Variants in RB1CC1 observed in about 807,000 individuals in gnomAD.
The protein encoded by RB1CC1 is RB1-inducible coiled-coil protein 1.
RB1CC1 carries 46 observed loss-of-function variants against 177.5 expected under a neutral mutation model. The observed-to-expected ratio is 0.26, with a 90% CI of 0.20 to 0.33. RB1CC1 has a LOEUF of 0.33. RB1CC1 is among the 10% of genes least tolerant of loss of function. The pLI is 1.00. For synonymous variants in RB1CC1, 666 were observed against 613.6 expected, an observed-to-expected ratio of 1.09 and a Z score of -1.26; for missense variants, 1,703 against 1,816.3, an observed-to-expected ratio of 0.94 and a Z score of 1.13.
intron 15 of RB1CC1, among the ~76,000 whole-genome samples, chr8:52,650,976 T>C (rs1850524171): frequency 6.6e-6 from 1 of 152,198 alleles, no homozygotes; most frequent in Admixed American, 6.6e-5. Flanking sequence ...CACCATTTAA[T>C]TACTTCCATA....
chr8:52,627,192 C>G (rs555018224), intron 22 of RB1CC1, among the ~76,000 whole-genome samples: 1 of 151,944 alleles, frequency 6.6e-6, no homozygotes, highest in South Asian at 2.1e-4. Context: ...ACTAAAAATA[C>G]AAAAATTAGC....
At chr8:52,646,218 T>C (rs949251234) in intron 15 of RB1CC1, among the ~76,000 whole-genome samples, 3 of 152,086 alleles carry the variant, frequency 2.0e-5, no homozygotes, top group African/African-American at 7.2e-5. Flanking sequence ...ATCCTAGCAC[T>C]TTGGGAGGCC....
intron 8 of RB1CC1, among the ~76,000 whole-genome samples, chr8:52,665,577 A>T (rs866267224): frequency 1.3e-5 from 2 of 152,202 alleles, no homozygotes; most frequent in Admixed American, 6.5e-5. Context: ...TGGTTAAATA[A>T]ATTTTGTTTG....
intron 16 of RB1CC1, 101 bp from the exon 17 acceptor site, chr8:52,642,913 C>A: frequency 8.1e-7 from 1 of 1,236,506 alleles, no homozygotes; most frequent in Non-Finnish European, 1.1e-6. Context: ...CACATTTGTA[C>A]ATGGAGATGA....
intron 5 of RB1CC1, among the ~76,000 whole-genome samples, chr8:52,679,313 A>G (rs1167907950): frequency 6.6e-6 from 1 of 152,178 alleles, no homozygotes; most frequent in Admixed American, 6.5e-5. Flanking sequence ...GCTGAATTTC[A>G]CCTTCACAAT....
intron 18 of RB1CC1, among the ~76,000 whole-genome samples, chr8:52,641,384 C>CAAAA (rs33912526): frequency 4.1e-5 from 4 of 97,466 alleles, no homozygotes; most frequent in South Asian, 3.5e-4. Context: ...GACTTCATCT[C>CAAAA]AAAAAAAAAA....
In RB1CC1 at chr8:52,657,127, C is replaced by A. The variant is rs1486401367; in HGVS notation, c.2702G>T (p.Cys901Phe). ...KIKKLKGELV[C>F]LEEVLQNKDN... is the part of the protein sequence containing the mutation. Reference sequence around the variant, plus strand: ...TTTATTTTGTAAAACCTCCTCAAGGCATACTAACTCTCCCTTCAATTTTTT... The same window carrying A: ...TTTATTTTGTAAAACCTCCTCAAGGAATACTAACTCTCCCTTCAATTTTTT... The change falls in exon 15 of 24, where the codon TGC becomes TTC. Residue 901 changes from cysteine to phenylalanine, a missense_variant. By Grantham distance (205) the Cys-to-Phe change is radical. Coordinates refer to ENST00000025008, the MANE Select transcript of RB1CC1 (RefSeq NM_014781.5). The A allele has an allele frequency of 6.2e-7, 1 of 1,611,210 alleles. No individual in the cohort carries two copies. Among genetic ancestry groups the A allele is most frequent in the Non-Finnish European group, 8.5e-7 (1 of 1,178,356 alleles).
rs747284945 is a variant in RB1CC1 at position 52,656,019 on chromosome 8, T to C, written c.3810A>G (p.Gln1270=). Residue 1270 remains glutamine, a synonymous_variant, in exon 15 of 24, where the codon CAA becomes CAG. Coordinates refer to ENST00000025008, the MANE Select transcript of RB1CC1 (RefSeq NM_014781.5). ...LLEKVKHLEN[Q]IAKSPAIDST... is the part of the protein sequence containing the mutation. ...AACTTAATTCTTACCTTTTTGCTAT[T>C]TGATTCTCAAGATGTTTAACTTTTT... The C allele has an allele frequency of 1.9e-6, 3 of 1,602,280 alleles. No homozygotes were observed. The highest frequency in any genetic ancestry group is 2.2e-5 in the East Asian group (1 of 44,682).
intron 15 of RB1CC1, among the ~76,000 whole-genome samples, chr8:52,652,783 C>T (rs1009283938): frequency 5.3e-5 from 8 of 152,082 alleles, no homozygotes; most frequent in East Asian, 1.9e-4. Context: ...GCTGGCCAGG[C>T]GTGGTGGCTC....
intron 22 of RB1CC1, among the ~76,000 whole-genome samples, chr8:52,627,219 C>T (rs191547315): frequency 3.3e-5 from 5 of 151,746 alleles, no homozygotes; most frequent in Admixed American, 6.6e-5. Context: ...TGGTGGCACA[C>T]GCCTGTAATT....
chr8:52,649,658 C>G (rs1489369369), intron 15 of RB1CC1, among the ~76,000 whole-genome samples: 1 of 152,144 alleles, frequency 6.6e-6, no homozygotes, highest in African/African-American at 2.4e-5. Context: ...AAATAAAAAT[C>G]TCTTTTGAAA....
chr8:52,628,442 A>G (rs980515075), intron 21 of RB1CC1, among the ~76,000 whole-genome samples: 3 of 152,194 alleles, frequency 2.0e-5, no homozygotes, highest in Non-Finnish European at 4.4e-5. Context: ...ACTGGATGAA[A>G]AGCAGAAAAA....
Position 52,656,115 on chromosome 8 carries a change from T to C in RB1CC1, c.3714A>G (p.Lys1238=). The C allele has an allele frequency of 1.2e-6, 2 of 1,613,652 alleles. No individual in the cohort carries two copies. Among genetic ancestry groups the C allele is most frequent in the Non-Finnish European group, 1.7e-6 (2 of 1,179,774 alleles). The change falls in exon 15 of 24, where the codon AAA becomes AAG. Residue 1238 remains lysine, a synonymous_variant. Coordinates refer to ENST00000025008, the MANE Select transcript of RB1CC1 (RefSeq NM_014781.5). ...TTAGGGCAGTCTGAATAGCTTCATC[T>C]TTTTCACAATTAAGCTTCTGAATTA... ...EQLIQKLNCE[K]DEAIQTALKE... is the part of the protein sequence containing the mutation.
At chr8:52,690,936 C>T (rs1322263576) in intron 1 of RB1CC1, among the ~76,000 whole-genome samples, 1 of 152,172 alleles carries the variant, frequency 6.6e-6, no homozygotes, top group Non-Finnish European at 1.5e-5. Context: ...ATAAATACTT[C>T]AGAATGTCTT....
chr8:52,630,676 A>C (rs557897812), intron 20 of RB1CC1, 148 bp from the exon 21 acceptor site: 87 of 722,518 alleles, frequency 1.2e-4, no homozygotes, highest in Non-Finnish European at 1.6e-4. Flanking sequence ...GTTCATTAAT[A>C]ATTCCTTTAT....
rs368446569 is a variant in RB1CC1 at position 52,628,028 on chromosome 8, T to G, written c.4636+4A>C. The G allele has an allele frequency of 1.3e-5, 21 of 1,582,640 alleles. No individual in the cohort carries two copies. The highest frequency in any genetic ancestry group is 1.8e-5 in the Non-Finnish European group (21 of 1,167,998). On this transcript the variant is annotated splice_donor_region_variant and intron_variant, in intron 22 of 23. Coordinates refer to ENST00000025008, the MANE Select transcript of RB1CC1 (RefSeq NM_014781.5). The stretch of plus-strand genomic sequence containing the variant: ...TTATATTTTAGTCATGGAATGACAC[T>G]TACCACCCTCACCTGGTTTGAGATC...
chr8:52,671,783 T>C (rs1006519473), intron 7 of RB1CC1, among the ~76,000 whole-genome samples: 2 of 152,158 alleles, frequency 1.3e-5, no homozygotes, highest in African/African-American at 4.8e-5. Flanking sequence ...ATGTATGCCA[T>C]GGTGGTTTGC....
chr8:52,628,303 A>G lies in RB1CC1; in HGVS notation c.4500-135T>C, dbSNP rs191883142. On this transcript the variant is annotated intron_variant, in intron 21 of 23. Transcript: ENST00000025008. ...ATATTAAATTTCACATTTACATGAT[A>G]CTCTTTTTGCATTCTGCCCAGGTCC... The G allele has an allele frequency of 2.3e-4, 210 of 905,860 alleles. 1 individual carries two copies. The African/African-American group carries it at 3.3e-3, about 14-fold the overall frequency. 56.1% of individuals were successfully genotyped at this position (905,860 alleles called of 1,614,324 possible).
chr8:52,661,741 A>G, intron 8 of RB1CC1, 22 bp from the exon 9 acceptor site: 1 of 1,505,450 alleles, frequency 6.6e-7, no homozygotes, highest in Non-Finnish European at 8.9e-7. Flanking sequence ...AAAATGTTTC[A>G]AAGGACATTA....
Sources: gnomAD v4.1 joint callset for allele counts (sites outside exome capture counted in the v4.1 genomes callset) on GRCh38, gnomAD v4.1.1 for gene constraint, MANE v1.5 for transcripts, NCBI Gene and HGNC (gene_info 2026-07-23, HGNC 2026-07-21) for gene names.